The following ATP10A variants were observed in gnomAD, a reference collection of about 807,000 sequenced individuals.
The protein encoded by ATP10A is phospholipid-transporting ATPase VA.
In ATP10A, 111 loss-of-function variants were observed where a neutral mutation model predicts 147.8. The ratio of observed to expected loss-of-function variants is 0.75; its 90% CI spans 0.64 to 0.88. ATP10A has a LOEUF of 0.88. ATP10A is among the 40% of genes least tolerant of loss of function. The pLI is 0.00. For missense variants in ATP10A, 1,927 were observed against 1,959.0 expected (o/e 0.98, Z 0.31); for synonymous variants, 875 against 841.6 (o/e 1.04, Z -0.69).
intron 13 of ATP10A, among the ~76,000 whole-genome samples, chr15:25,698,914 A>C (rs992691439): frequency 7.9e-5 from 12 of 152,174 alleles, no homozygotes; most frequent in Non-Finnish European, 2.9e-5. Context: ...TGTATGCTGA[A>C]AACTATAAAA....
At chr15:25,845,321 T>TG (rs1892969295) in intron 1 of ATP10A, among the ~76,000 whole-genome samples, 2 of 87,470 alleles carry the variant, frequency 2.3e-5, no homozygotes, top group East Asian at 1.3e-3. Flanking sequence ...CGTTTGTGTG[T>TG]TTGTGTGTGT....
chr15:25,690,450 C>T lies in ATP10A; in HGVS notation c.3165+1265G>A, dbSNP rs141496061. On this transcript the variant is annotated intron_variant, in intron 15 of 20. Coordinates refer to ENST00000555815, the MANE Select transcript of ATP10A (RefSeq NM_024490.4). ...GAGATGGGGTTTCACCACATTGCCCCGCTGGTCTCAAACTCCTGGCCTCTG... is the reference window on the plus strand; with the variant it reads ...GAGATGGGGTTTCACCACATTGCCCTGCTGGTCTCAAACTCCTGGCCTCTG... Among the ~76,000 whole-genome samples the T allele has an allele frequency of 1.3e-4, 20 of 152,214 alleles. No individual in the cohort carries two copies. The East Asian group carries it at 2.1e-3, about 16-fold the overall frequency.
intron 1 of ATP10A, among the ~76,000 whole-genome samples, chr15:25,810,361 C>T (rs531716120): frequency 1.6e-4 from 24 of 152,190 alleles, no homozygotes; most frequent in African/African-American, 5.8e-4. Context: ...GCCCTAGGTA[C>T]CTGCACCGCT....
chr15:25,716,069 T>C (rs1162228238), intron 9 of ATP10A, among the ~76,000 whole-genome samples: 2 of 152,208 alleles, frequency 1.3e-5, no homozygotes, highest in South Asian at 2.1e-4. Context: ...AGCATTGCTA[T>C]ATTTCCAGTG....
chr15:25,827,443 T>G (rs1221480695), intron 1 of ATP10A, among the ~76,000 whole-genome samples: 1 of 152,216 alleles, frequency 6.6e-6, no homozygotes, highest in Non-Finnish European at 1.5e-5. Flanking sequence ...TTTACAAATC[T>G]ATGTTGATGG....
At position 25,781,116 on chromosome 15, in the gene ATP10A, G is replaced by A. The variant is rs770422105; in HGVS notation, c.557C>T (p.Ser186Phe). 6.2e-7 allele frequency: 1 copy of A among 1,614,212 alleles called. No homozygotes were observed. Among genetic ancestry groups the A allele is most frequent in the Non-Finnish European group, 8.5e-7 (1 of 1,180,042 alleles). Reference protein sequence around the residue: ...IFPADILLLSSSDPDGLCHIE... With the variant: ...IFPADILLLSFSDPDGLCHIE... ...GTGGCATAGCCCGTCGGGGTCACTG[G>A]AGGAGAGCAGCAGAATGTCCGCAGG... Residue 186 changes from serine to phenylalanine, a missense_variant, in exon 2 of 21, where the codon TCC becomes TTC. Coordinates refer to ENST00000555815, the MANE Select transcript of ATP10A (RefSeq NM_024490.4).
chr15:25,727,089 A>G, intron 4 of ATP10A, 71 bp downstream of exon 4: 1 of 1,185,380 alleles, frequency 8.4e-7, no homozygotes, highest in Non-Finnish European at 1.2e-6. Flanking sequence ...AAAGAAAAGA[A>G]AACAGTGAGG....
rs17555920 is a variant in ATP10A at position 25,708,051 on chromosome 15, C to T, written c.2500G>A (p.Glu834Lys). The T allele has an allele frequency of 0.04, 64,097 of 1,614,084 alleles. 1,662 individuals are homozygous for T. Among genetic ancestry groups the T allele is most frequent in the East Asian group, 0.14 (6,443 of 44,858 alleles). ...ACWLQSHLEA[E>K]SSLENSEELL... ...TCCTCGCTGTTTTCCAGGGAGGATT[C>T]GGCTTCTAGGTGGCTTTGCAACCAG... The change falls in exon 12 of 21, where the codon GAA becomes AAA. Residue 834 changes from glutamate to lysine, a missense_variant. Transcript: ENST00000555815.
In ATP10A at chr15:25,694,850, C is replaced by T. The variant is rs1900226302; in HGVS notation, c.3057G>A (p.Arg1019=). 1 of 1,613,650 alleles carries T rather than the reference C, an allele frequency of 6.2e-7. No homozygotes were observed. The highest frequency in any genetic ancestry group is 8.5e-7 in the Non-Finnish European group (1 of 1,179,764). The change falls in exon 14 of 21, where the codon CGG becomes CGA. Residue 1019 remains arginine, a synonymous_variant. Transcript: ENST00000555815. ...LQKSMVVKLV[R]SKLKAMTLAI... is the part of the protein sequence containing the mutation. ...CCAGGGTCATGGCCTTGAGCTTGCT[C>T]CGCACCAGCTTCACCACCATGCTCT...
intron 1 of ATP10A, among the ~76,000 whole-genome samples, chr15:25,809,249 C>T (rs765586720): frequency 1.3e-5 from 2 of 152,044 alleles, no homozygotes; most frequent in African/African-American, 2.4e-5. Context: ...CAGGATGTCA[C>T]ATGAAGAGCC....
downstream of ATP10A, among the ~76,000 whole-genome samples, chr15:25,675,050 C>A (rs1899109346): frequency 6.6e-6 from 1 of 152,240 alleles, no homozygotes; most frequent in Non-Finnish European, 1.5e-5. Flanking sequence ...GAAGTCTGCC[C>A]TGGCTGGATG....
chr15:25,775,355 C>T (rs903476926), intron 2 of ATP10A, among the ~76,000 whole-genome samples: 9 of 152,192 alleles, frequency 5.9e-5, no homozygotes, highest in African/African-American at 9.6e-5. Context: ...TGGGGTGGGA[C>T]TGACTCTCCT....
intron 1 of ATP10A, among the ~76,000 whole-genome samples, chr15:25,800,462 C>A (rs1233673073): frequency 3.3e-5 from 5 of 152,188 alleles, no homozygotes; most frequent in Admixed American, 3.3e-4. Flanking sequence ...CCTCTCCTGC[C>A]TGAGTTCTCA....
Position 25,681,002 on chromosome 15 carries a change from G to C in ATP10A, c.3565C>G (p.Pro1189Ala), listed in dbSNP as rs1192027624. Residue 1189 changes from proline to alanine, a missense_variant, in exon 18 of 21, where the codon CCT becomes GCT. Transcript: ENST00000555815. ...AFQSLVCFSIPYLAYYDSNVD... is the reference protein window; with the variant it reads ...AFQSLVCFSIAYLAYYDSNVD... ...CCCAGGGGCCAACTTACCAGGTAAGGAATGGAAAAGCAAACCAGGCTCTGG... is the reference window on the plus strand; with the variant it reads ...CCCAGGGGCCAACTTACCAGGTAAGCAATGGAAAAGCAAACCAGGCTCTGG... 1 of 1,614,024 alleles carries C rather than the reference G, an allele frequency of 6.2e-7. No individual in the cohort carries two copies. Among genetic ancestry groups the C allele is most frequent in the South Asian group, 1.1e-5 (1 of 91,090 alleles).
Position 25,781,001 on chromosome 15 carries a change from G to A in ATP10A, c.654+18C>T. 1.2e-6 allele frequency: 2 copies of A among 1,612,534 alleles called. No individual in the cohort carries two copies. Among genetic ancestry groups the A allele is most frequent in the Non-Finnish European group, 8.5e-7 (1 of 1,179,570 alleles). On this transcript the variant is annotated intron_variant, in intron 2 of 20. Coordinates refer to ENST00000555815, the MANE Select transcript of ATP10A (RefSeq NM_024490.4). ...TGGCTGTAATGCCTGCAAGGCCCTG[G>A]AAACGTGGGTCACTTACAAGCTCCG... is the stretch of plus-strand genomic sequence containing the variant.
At chr15:25,705,651 C>T (rs891213393) in intron 12 of ATP10A, among the ~76,000 whole-genome samples, 1 of 152,166 alleles carries the variant, frequency 6.6e-6, no homozygotes, top group Non-Finnish European at 1.5e-5. Context: ...GAAACATAAA[C>T]ATATCAGGTA....
chr15:25,701,312 G>T (rs1238175216), intron 13 of ATP10A, among the ~76,000 whole-genome samples: 1 of 152,220 alleles, frequency 6.6e-6, no homozygotes, highest in East Asian at 1.9e-4. Context: ...GACCTAAGAG[G>T]GGCTGGGGTG....
chr15:25,857,030 T>C (rs1339973434), intron 1 of ATP10A, among the ~76,000 whole-genome samples: 1 of 152,168 alleles, frequency 6.6e-6, no homozygotes, highest in Non-Finnish European at 1.5e-5. Flanking sequence ...ACTTAAAAGA[T>C]TTATCAGCCA....
At chr15:25,824,487 T>C (rs1596957980) in intron 1 of ATP10A, among the ~76,000 whole-genome samples, 1 of 127,158 alleles carries the variant, frequency 7.9e-6, no homozygotes, top group Non-Finnish European at 1.7e-5. Flanking sequence ...AAAAAAAAAA[T>C]AGAAAAAAGA....
Sources: allele counts gnomAD v4.1 joint callset (sites outside exome capture counted in the v4.1 genomes callset), GRCh38; gene constraint gnomAD v4.1.1; transcripts MANE v1.5; gene names NCBI Gene and HGNC (gene_info 2026-07-23, HGNC 2026-07-21).